The following RANBP2 variants were observed in gnomAD, a reference collection of about 807,000 sequenced individuals.
The protein encoded by RANBP2 is E3 SUMO-protein ligase RanBP2.
RANBP2 carries 57 observed loss-of-function variants against 303.6 expected under a neutral mutation model. That is an observed-to-expected ratio of 0.19 (90% confidence interval 0.15 to 0.23). The LOEUF (loss-of-function observed/expected upper bound fraction) is 0.23. Among genes scored for constraint, RANBP2 ranks in the 10% least tolerant of loss-of-function variants. RANBP2 has a pLI of 1.00. For synonymous variants in RANBP2, 1,167 were observed against 1,301.5 expected (o/e 0.90, Z 2.23); for missense variants, 3,138 against 3,780.8 (o/e 0.83, Z 4.46).
At chr2:109,447,166 AAAG>A in the RANBP2 span, among the ~76,000 whole-genome samples, 2 of 149,892 alleles carry the variant, frequency 1.3e-5, no homozygotes, top group Non-Finnish European at 3.0e-5. Flanking sequence ...AAAAAAAAAA[AAAG>A]AAAAGAAAAA....
chr2:109,169,599 A>C, the RANBP2 span, among the ~76,000 whole-genome samples: 7 of 152,130 alleles, frequency 4.6e-5, no homozygotes, highest in Non-Finnish European at 7.4e-5. Flanking sequence ...AAACTGACCG[A>C]GCTTAGCAAG....
At chr2:109,398,382 T>C in the RANBP2 span, among the ~76,000 whole-genome samples, 2 of 152,196 alleles carry the variant, frequency 1.3e-5, no homozygotes, top group African/African-American at 2.4e-5. Context: ...CTCTCCATCA[T>C]GGCTCCTGGG....
the RANBP2 span, among the ~76,000 whole-genome samples, chr2:108,887,049 AT>A: frequency 3.3e-5 from 5 of 151,836 alleles, no homozygotes; most frequent in African/African-American, 1.2e-4. Flanking sequence ...TTTTTAGTTT[AT>A]TTTTGTATAT....
the RANBP2 span, among the ~76,000 whole-genome samples, chr2:109,569,730 A>G: frequency 6.6e-6 from 1 of 152,206 alleles, no homozygotes; most frequent in Non-Finnish European, 1.5e-5. Flanking sequence ...AATAACTTAT[A>G]ATTGCTTGCA....
At chr2:108,724,461 A>T (rs1694531666) in intron 1 of RANBP2, among the ~76,000 whole-genome samples, 1 of 151,360 alleles carries the variant, frequency 6.6e-6, no homozygotes, top group African/African-American at 2.4e-5. Context: ...GTTTGAAATA[A>T]TTTTTTTTTC....
the RANBP2 span, among the ~76,000 whole-genome samples, chr2:109,488,122 C>T: frequency 7.5e-4 from 114 of 152,282 alleles, no homozygotes; most frequent in African/African-American, 2.5e-3. Context: ...TGGGCTCCGC[C>T]GGGACACCTG....
the RANBP2 span, among the ~76,000 whole-genome samples, chr2:109,197,422 A>C: frequency 6.6e-6 from 1 of 152,054 alleles, no homozygotes; most frequent in African/African-American, 2.4e-5. Context: ...TGGTGGCTTA[A>C]TTTCTCTTAT....
the RANBP2 span, among the ~76,000 whole-genome samples, chr2:109,000,861 C>A: frequency 1.3e-5 from 2 of 152,046 alleles, no homozygotes; most frequent in East Asian, 3.9e-4. Flanking sequence ...TCCCAGGTCA[C>A]GTGCCTAGTC....
At chr2:109,345,649 G>A in the RANBP2 span, among the ~76,000 whole-genome samples, 1 of 152,184 alleles carries the variant, frequency 6.6e-6, no homozygotes, top group African/African-American at 2.4e-5. Context: ...GGATATCTAA[G>A]TGTCTCCATG....
At chr2:109,248,078 T>G in the RANBP2 span, among the ~76,000 whole-genome samples, 1 of 152,214 alleles carries the variant, frequency 6.6e-6, no homozygotes, top group African/African-American at 2.4e-5. Flanking sequence ...GGAACATGAA[T>G]CAATTGGAGG....
the RANBP2 span, among the ~76,000 whole-genome samples, chr2:109,466,314 C>T: frequency 1.3e-5 from 2 of 152,118 alleles, no homozygotes; most frequent in African/African-American, 4.8e-5. Context: ...ATCTCCTGAC[C>T]TCGTGACCTG....
At chr2:109,255,244 T>G in the RANBP2 span, among the ~76,000 whole-genome samples, 1 of 152,148 alleles carries the variant, frequency 6.6e-6, no homozygotes, top group African/African-American at 2.4e-5. Flanking sequence ...TGCATCTAGG[T>G]TGGAAGTATC....
the RANBP2 span, among the ~76,000 whole-genome samples, chr2:109,034,436 G>A: frequency 6.6e-6 from 1 of 152,220 alleles, no homozygotes; most frequent in Non-Finnish European, 1.5e-5. Flanking sequence ...GGGAATGAAA[G>A]CACAGGGAAG....
the RANBP2 span, among the ~76,000 whole-genome samples, chr2:109,291,205 C>T: frequency 6.6e-6 from 1 of 151,846 alleles, no homozygotes; most frequent in Admixed American, 6.6e-5. Context: ...TTTGAAAATG[C>T]TGTCAGGATA....
chr2:109,547,410 C>A, the RANBP2 span, among the ~76,000 whole-genome samples: 1 of 132,522 alleles, frequency 7.5e-6, no homozygotes, highest in Non-Finnish European at 1.6e-5. Flanking sequence ...AATAAGGGGT[C>A]ATTCCAATAA....
At chr2:109,482,876 C>T in the RANBP2 span, among the ~76,000 whole-genome samples, 1 of 152,184 alleles carries the variant, frequency 6.6e-6, no homozygotes, top group African/African-American at 2.4e-5. Context: ...TGCTGCCTCC[C>T]GTTCCCTGCT....
chr2:108,845,062 GT>G, the RANBP2 span, among the ~76,000 whole-genome samples: 1 of 151,800 alleles, frequency 6.6e-6, no homozygotes, highest in East Asian at 1.9e-4. Flanking sequence ...TTTTTTTCAA[GT>G]TTATTTTTTC....
chr2:109,733,350 G>A, the RANBP2 span, among the ~76,000 whole-genome samples: 1 of 152,070 alleles, frequency 6.6e-6, no homozygotes, highest in Non-Finnish European at 1.5e-5. Context: ...CAATTGACAT[G>A]GAAAAAGCAT....
the RANBP2 span, among the ~76,000 whole-genome samples, chr2:109,439,074 C>T: frequency 6.6e-6 from 1 of 152,208 alleles, no homozygotes; most frequent in Non-Finnish European, 1.5e-5. Context: ...GAAACGTTCC[C>T]AATTCAAAGA....
Sources: gnomAD v4.1 joint callset for allele counts (sites outside exome capture counted in the v4.1 genomes callset) on GRCh38, gnomAD v4.1.1 for gene constraint, MANE v1.5 for transcripts, NCBI Gene and HGNC (gene_info 2026-07-23, HGNC 2026-07-21) for gene names.